Variants in SGCZ observed in about 807,000 individuals in gnomAD.
SGCZ encodes sarcoglycan zeta.
Under a neutral mutation model 41.3 loss-of-function variants are expected in SGCZ, and 40 were observed. That is an observed-to-expected ratio of 0.97 (90% CI 0.75 to 1.26). The LOEUF is 1.26. Among genes scored for constraint, SGCZ ranks in the 50% most tolerant of loss-of-function variants. The pLI, the probability that SGCZ is intolerant of heterozygous loss-of-function variation, is 0.00. For missense variants in SGCZ, 552 were observed against 369.8 expected, an observed-to-expected ratio of 1.49 and a Z score of -4.04; for synonymous variants, 206 against 137.5, an observed-to-expected ratio of 1.50 and a Z score of -3.49.
intron 1 of SGCZ, among the ~76,000 whole-genome samples, chr8:14,638,865 G>T (rs2117420482): frequency 6.6e-6 from 1 of 151,756 alleles, no homozygotes; most frequent in African/African-American, 2.4e-5. Flanking sequence ...ATTTAAAATA[G>T]GCATAAAATC....
At chr8:14,384,956 G>T (rs1804516112) in intron 2 of SGCZ, among the ~76,000 whole-genome samples, 1 of 152,172 alleles carries the variant, frequency 6.6e-6, no homozygotes, top group South Asian at 2.1e-4. Context: ...ACTTGTGCTG[G>T]CAAAAACACC....
chr8:14,371,880 A>T (rs1458218963), intron 2 of SGCZ, among the ~76,000 whole-genome samples: 2 of 152,168 alleles, frequency 1.3e-5, no homozygotes, highest in Non-Finnish European at 2.9e-5. Flanking sequence ...AATAATCTTT[A>T]TATGCCTTGA....
chr8:14,936,541 T>A (rs776700206), intron 1 of SGCZ, among the ~76,000 whole-genome samples: 1 of 151,906 alleles, frequency 6.6e-6, no homozygotes, highest in Non-Finnish European at 1.5e-5. Flanking sequence ...TGCACCACCA[T>A]GAAGTCAAAA....
intron 2 of SGCZ, among the ~76,000 whole-genome samples, chr8:14,426,697 G>A (rs916647175): frequency 2.0e-5 from 3 of 152,090 alleles, no homozygotes; most frequent in Non-Finnish European, 2.9e-5. Flanking sequence ...TGAAATGTGA[G>A]AAGAAAGGAT....
At chr8:14,994,725 C>A (rs1255517445) in intron 1 of SGCZ, among the ~76,000 whole-genome samples, 1 of 152,112 alleles carries the variant, frequency 6.6e-6, no homozygotes, top group Non-Finnish European at 1.5e-5. Flanking sequence ...TCATCTGACT[C>A]AATGAGCATT....
At chr8:14,739,412 A>G (rs887832575) in intron 1 of SGCZ, among the ~76,000 whole-genome samples, 1 of 152,068 alleles carries the variant, frequency 6.6e-6, no homozygotes, top group Non-Finnish European at 1.5e-5. Context: ...CAAACTTCAT[A>G]TGATTTAAAA....
chr8:14,407,250 G>T (rs541806999), intron 2 of SGCZ, among the ~76,000 whole-genome samples: 2 of 151,872 alleles, frequency 1.3e-5, no homozygotes, highest in South Asian at 2.1e-4. Flanking sequence ...TATATTTTTA[G>T]TAGAGACAGG....
chr8:14,453,372 T>C (rs74335568), intron 2 of SGCZ, among the ~76,000 whole-genome samples: 4 of 152,294 alleles, frequency 2.6e-5, no homozygotes, highest in African/African-American at 9.6e-5. Context: ...ATATTTGCAA[T>C]TGAAATAATC....
intron 5 of SGCZ, among the ~76,000 whole-genome samples, chr8:14,150,208 A>T (rs1340401476): frequency 6.6e-6 from 1 of 152,036 alleles, no homozygotes; most frequent in Non-Finnish European, 1.5e-5. Context: ...TTTTGCTGTT[A>T]TGATCAACAA....
intron 4 of SGCZ, among the ~76,000 whole-genome samples, chr8:14,211,778 C>A (rs1028346012): frequency 2.6e-5 from 4 of 152,152 alleles, no homozygotes; most frequent in African/African-American, 9.7e-5. Context: ...AATCACCTCC[C>A]ACCAGGCCCC....
At chr8:14,989,277 A>C (rs1053509527) in intron 1 of SGCZ, among the ~76,000 whole-genome samples, 2 of 152,126 alleles carry the variant, frequency 1.3e-5, no homozygotes, top group African/African-American at 2.4e-5. Context: ...GATGATTGCA[A>C]GGGTCCCCAT....
intron 2 of SGCZ, among the ~76,000 whole-genome samples, chr8:14,405,554 G>T (rs907323900): frequency 6.6e-6 from 1 of 151,992 alleles, no homozygotes; most frequent in Non-Finnish European, 1.5e-5. Flanking sequence ...ATAGCCTTAT[G>T]CCAAGAATTA....
intron 1 of SGCZ, among the ~76,000 whole-genome samples, chr8:15,172,685 G>T (rs1434785716): frequency 1.3e-5 from 2 of 152,056 alleles, no homozygotes; most frequent in Non-Finnish European, 2.9e-5. Context: ...ACTTGGTCTT[G>T]GAGTCTATTA....
At chr8:15,002,615 C>A (rs1802464870) in intron 1 of SGCZ, among the ~76,000 whole-genome samples, 1 of 152,070 alleles carries the variant, frequency 6.6e-6, no homozygotes, top group Admixed American at 6.6e-5. Context: ...AAAGGAAAAA[C>A]CTCATAAGGG....
intron 1 of SGCZ, among the ~76,000 whole-genome samples, chr8:14,645,948 T>C (rs1510442): frequency 0.57 from 85,678 of 151,614 alleles, 24,530 homozygotes; most frequent in East Asian, 0.77. Context: ...TCTCTTACTA[T>C]GCACAACTTT....
intron 1 of SGCZ, among the ~76,000 whole-genome samples, chr8:14,658,422 C>T (rs6994067): frequency 0.58 from 88,878 of 151,932 alleles, 28,282 homozygotes; most frequent in African/African-American, 0.83. Context: ...CACTTTGCTC[C>T]GTGCTTTCCT....
At chr8:14,426,671 C>G (rs34805259) in intron 2 of SGCZ, among the ~76,000 whole-genome samples, 1 of 151,872 alleles carries the variant, frequency 6.6e-6, no homozygotes, top group Admixed American at 6.6e-5. Flanking sequence ...ATAATTAATG[C>G]AAACTGGACT....
intron 3 of SGCZ, among the ~76,000 whole-genome samples, chr8:14,269,208 A>G (rs902107241): frequency 1.3e-5 from 2 of 152,168 alleles, no homozygotes; most frequent in Non-Finnish European, 2.9e-5. Flanking sequence ...AAGCACTTTC[A>G]CACCTCAAAT....
chr8:14,223,041 A>C (rs574399215), intron 4 of SGCZ, among the ~76,000 whole-genome samples: 2 of 151,958 alleles, frequency 1.3e-5, no homozygotes, highest in East Asian at 3.9e-4. Context: ...CGAACTTCTG[A>C]TCTCATGATC....
Sources: allele counts gnomAD v4.1 joint callset (sites outside exome capture counted in the v4.1 genomes callset), GRCh38; gene constraint gnomAD v4.1.1; transcripts MANE v1.5; gene names NCBI Gene and HGNC (gene_info 2026-07-23, HGNC 2026-07-21).